Variants in TC2N observed in about 807,000 individuals in gnomAD.
TC2N encodes the protein tandem C2 domains nuclear protein.
Under a neutral mutation model 61.9 loss-of-function variants are expected in TC2N, and 51 were observed. That is an observed-to-expected ratio of 0.82 (90% CI 0.66 to 1.04). TC2N has a LOEUF of 1.04. Ranked by LOEUF, TC2N falls within the 50% of genes least tolerant of loss-of-function variation. TC2N has a pLI of 0.00. For synonymous variants in TC2N, 204 were observed against 192.6 expected (o/e 1.06, Z -0.49); for missense variants, 556 against 566.7 (o/e 0.98, Z 0.19).
intron 1 of TC2N, among the ~76,000 whole-genome samples, chr14:91,819,109 G>A (rs1887133746): frequency 6.6e-6 from 1 of 152,058 alleles, no homozygotes; most frequent in East Asian, 1.9e-4. Flanking sequence ...ACAGTGATGG[G>A]AAAATCTTAA....
rs116535847 is a variant in TC2N at position 91,861,845 on chromosome 14, T to C, written c.-57+5417A>G. Among the ~76,000 whole-genome samples, 540 of 152,158 alleles carry C rather than the reference T, an allele frequency of 3.5e-3. 2 individuals are homozygous for C. The highest frequency in any genetic ancestry group is 0.012 in the African/African-American group (500 of 41,496). The stretch of plus-strand genomic sequence containing the variant: ...ATCGCTTGAGCCTGGAAGGTGGAAG[T>C]TGCAGTGAGGCAATATTGTGCCACT... On this transcript the variant is annotated intron_variant, in intron 1 of 11. Transcript: ENST00000435962.
chr14:91,813,225 T>A lies in TC2N; in HGVS notation c.67+478A>T, dbSNP rs1056399355. On this transcript the variant is annotated intron_variant, in intron 2 of 11. Transcript: ENST00000435962. ...CAGGGGTCCTTAATAAATGTGAGTC[T>A]TCATAGTTATGAGTCTCTTCCCCAT... Among the ~76,000 whole-genome samples, 3 of 151,946 alleles carry A rather than the reference T, an allele frequency of 2.0e-5. No individual in the cohort carries two copies. The East Asian group carries it at 5.8e-4, about 29-fold the overall frequency.
intron 1 of TC2N, among the ~76,000 whole-genome samples, chr14:91,816,853 T>C (rs1595250949): frequency 6.6e-6 from 1 of 151,918 alleles, no homozygotes; most frequent in Non-Finnish European, 1.5e-5. Context: ...ATTGTGTATT[T>C]TCTATTCTCT....
At chr14:91,860,443 A>G (rs1888567769) in intron 1 of TC2N, among the ~76,000 whole-genome samples, 1 of 152,214 alleles carries the variant, frequency 6.6e-6, no homozygotes, top group South Asian at 2.1e-4. Context: ...GACTCTTTAA[A>G]AAGGGGATTC....
chr14:91,799,866 C>A (rs1218333863), intron 5 of TC2N, among the ~76,000 whole-genome samples: 2 of 151,998 alleles, frequency 1.3e-5, no homozygotes, highest in East Asian at 3.8e-4. Flanking sequence ...CAAAATAATT[C>A]TCAATTCCTT....
chr14:91,829,191 T>C (rs1340350054), intron 1 of TC2N, among the ~76,000 whole-genome samples: 2 of 152,088 alleles, frequency 1.3e-5, no homozygotes, highest in Admixed American at 6.5e-5. Flanking sequence ...TTCTTGAATA[T>C]ACGGATTGGT....
At chr14:91,804,582 AAAC>A (rs879698585) in intron 3 of TC2N, among the ~76,000 whole-genome samples, 2 of 152,196 alleles carry the variant, frequency 1.3e-5, no homozygotes, top group Non-Finnish European at 2.9e-5. Flanking sequence ...ACAGATACAA[AAAC>A]AAACTAAAAC....
chr14:91,804,180 G>A (rs996180126), intron 3 of TC2N, among the ~76,000 whole-genome samples: 31 of 152,078 alleles, frequency 2.0e-4, no homozygotes, highest in African/African-American at 6.8e-4. Flanking sequence ...GCAAAAAGAC[G>A]GACAATAGTA....
Position 91,797,818 on chromosome 14 carries a change from C to T in TC2N, c.822G>A (p.Val274=), listed in dbSNP as rs764286683. Residue 274 remains valine (V), a synonymous_variant, in exon 8 of 12, where the codon GTG becomes GTA. Transcript: ENST00000435962. ...IKGILTLPKP[V]HFKSSAKEGS... The stretch of plus-strand genomic sequence containing the variant: ...CTTCCTTGGCTGAAGATTTGAAATG[C>T]ACTGGTTTGGGCAATGTAAGTATTC... The T allele has an allele frequency of 6.8e-6, 11 of 1,607,610 alleles. No homozygotes were observed. The highest frequency in any genetic ancestry group is 9.3e-6 in the Non-Finnish European group (11 of 1,177,032).
chr14:91,828,482 ATC>A (rs1393921411), intron 1 of TC2N, among the ~76,000 whole-genome samples: 3 of 152,136 alleles, frequency 2.0e-5, no homozygotes, highest in Non-Finnish European at 2.9e-5. Flanking sequence ...TATATTATAT[ATC>A]TCTTTTTTAA....
chr14:91,816,944 G>A (rs565684642), intron 1 of TC2N, among the ~76,000 whole-genome samples: 46 of 151,916 alleles, frequency 3.0e-4, no homozygotes, highest in South Asian at 1.5e-3. Context: ...CATGTAGCAA[G>A]ACAAGTCATC....
At chr14:91,819,298 C>T (rs1025549164) in intron 1 of TC2N, among the ~76,000 whole-genome samples, 2 of 151,946 alleles carry the variant, frequency 1.3e-5, no homozygotes, top group Non-Finnish European at 2.9e-5. Context: ...CCACTGCACT[C>T]CAGCCTGGGT....
chr14:91,836,628 G>GCGGGGAGGGGCGAGGCAAA (rs1271832913), intron 1 of TC2N: 1 of 128,988 alleles, frequency 7.8e-6, no homozygotes, highest in South Asian at 2.6e-4. Context: ...GGCGAGGCAG[G>GCGGGGAGGGGCGAGGCAAA]GCGGGGCAGG....
intron 1 of TC2N, among the ~76,000 whole-genome samples, chr14:91,861,139 G>A (rs541228295): frequency 6.6e-6 from 1 of 152,204 alleles, no homozygotes; most frequent in African/African-American, 2.4e-5. Flanking sequence ...CTGGATCTCC[G>A]ACAAGGGGTA....
intron 1 of TC2N, among the ~76,000 whole-genome samples, chr14:91,849,033 A>T (rs976819279): frequency 3.3e-5 from 5 of 152,204 alleles, no homozygotes; most frequent in African/African-American, 1.2e-4. Flanking sequence ...CTTTAAACAC[A>T]GCACAACAGT....
At chr14:91,848,981 C>T (rs1350752497) in intron 1 of TC2N, among the ~76,000 whole-genome samples, 1 of 152,176 alleles carries the variant, frequency 6.6e-6, no homozygotes, top group East Asian at 1.9e-4. Context: ...AGTTTTACTA[C>T]GTGGCTTTTT....
At chr14:91,859,522 A>C (rs1159379850) in intron 1 of TC2N, among the ~76,000 whole-genome samples, 1 of 152,128 alleles carries the variant, frequency 6.6e-6, no homozygotes, top group Non-Finnish European at 1.5e-5. Flanking sequence ...ACCTATTGAC[A>C]CTGACCACCT....
intron 1 of TC2N, among the ~76,000 whole-genome samples, chr14:91,864,186 A>C (rs968197575): frequency 6.6e-6 from 1 of 152,074 alleles, no homozygotes; most frequent in Non-Finnish European, 1.5e-5. Context: ...ACATCTCGCA[A>C]CTCTAACTTC....
intron 1 of TC2N, among the ~76,000 whole-genome samples, chr14:91,835,949 C>T (rs1335610800): frequency 2.0e-5 from 3 of 152,122 alleles, no homozygotes; most frequent in Non-Finnish European, 4.4e-5. Flanking sequence ...CGTCCCCGGT[C>T]ACGGGTCCCC....
Sources: gnomAD v4.1 joint callset for allele counts (sites outside exome capture counted in the v4.1 genomes callset) on GRCh38, gnomAD v4.1.1 for gene constraint, MANE v1.5 for transcripts, NCBI Gene and HGNC (gene_info 2026-07-23, HGNC 2026-07-21) for gene names.